LIN54: variants seen among roughly 807,000 people sequenced by gnomAD.
LIN54 encodes lin-54 DREAM MuvB core complex component.
A neutral mutation model predicts 78.7 loss-of-function variants in LIN54; 9 were observed. That is an observed-to-expected ratio of 0.11 (90% confidence interval 0.07 to 0.20). The LOEUF is 0.20. Among genes scored for constraint, LIN54 ranks in the 10% least tolerant of loss-of-function variants. LIN54 has a pLI of 1.00. For missense variants in LIN54, 573 were observed against 889.9 expected, an observed-to-expected ratio of 0.64 and a Z score of 4.53; for synonymous variants, 269 against 318.4, an observed-to-expected ratio of 0.84 and a Z score of 1.65.
At chr4:83,000,829 T>TTTTTTCTTTTTTTC (rs950923009) in intron 1 of LIN54, among the ~76,000 whole-genome samples, 1 of 144,530 alleles carries the variant, frequency 6.9e-6, no homozygotes, top group Non-Finnish European at 1.5e-5. Context: ...AATAAATTCT[T>TTTTTTCTTTTTTTC]TTTTTTTTTT....
chr4:82,986,399 G>A (rs1028837749), intron 1 of LIN54, among the ~76,000 whole-genome samples: 2 of 152,080 alleles, frequency 1.3e-5, no homozygotes, highest in Non-Finnish European at 2.9e-5. Flanking sequence ...TTATAGGTGT[G>A]AGCCACCATG....
intron 4 of LIN54, among the ~76,000 whole-genome samples, chr4:82,970,046 A>G (rs1560756892): frequency 2.0e-5 from 3 of 152,092 alleles, no homozygotes; most frequent in Admixed American, 1.3e-4. Flanking sequence ...AAGAAGAACT[A>G]AACACCTACA....
chr4:82,940,526 G>A (rs905202666), intron 5 of LIN54, among the ~76,000 whole-genome samples: 2 of 152,094 alleles, frequency 1.3e-5, no homozygotes, highest in East Asian at 1.9e-4. Context: ...CCAAGTACCC[G>A]AAGTTACAGG....
intron 4 of LIN54, among the ~76,000 whole-genome samples, chr4:82,959,766 T>C (rs1724639704): frequency 6.6e-6 from 1 of 152,190 alleles, no homozygotes; most frequent in Non-Finnish European, 1.5e-5. Flanking sequence ...TATATTCCTA[T>C]TTTTCACAAT....
At chr4:82,998,598 G>T (rs963297337) in intron 1 of LIN54, among the ~76,000 whole-genome samples, 1 of 151,278 alleles carries the variant, frequency 6.6e-6, no homozygotes, top group African/African-American at 2.4e-5. Context: ...AGAAAAGAGA[G>T]AAAGAGAAGA....
At chr4:82,993,566 G>T (rs1727929104) in intron 1 of LIN54, among the ~76,000 whole-genome samples, 1 of 151,882 alleles carries the variant, frequency 6.6e-6, no homozygotes, top group Non-Finnish European at 1.5e-5. Flanking sequence ...AATACTAAAT[G>T]ATGCCCATGG....
intron 1 of LIN54, among the ~76,000 whole-genome samples, chr4:82,989,320 C>T (rs1471808678): frequency 6.6e-6 from 1 of 152,166 alleles, no homozygotes; most frequent in Non-Finnish European, 1.5e-5. Flanking sequence ...AGTACTAGCA[C>T]TTCTTTATGT....
intron 1 of LIN54, among the ~76,000 whole-genome samples, chr4:83,001,562 G>C (rs1728771964): frequency 6.6e-6 from 1 of 151,026 alleles, no homozygotes; most frequent in Non-Finnish European, 1.5e-5. Context: ...AAAAGAAAAA[G>C]AAGCCGGGCG....
chr4:82,954,119 C>CTTA (rs1262420490), intron 4 of LIN54, among the ~76,000 whole-genome samples: 1 of 151,948 alleles, frequency 6.6e-6, no homozygotes, highest in Non-Finnish European at 1.5e-5. Flanking sequence ...GTAAGGAAGA[C>CTTA]TTATCCAAGT....
chr4:82,927,840 ATTC>A lies in LIN54; in HGVS notation c.*259_*261del. 2 of 374,356 alleles carry A rather than the reference ATTC, an allele frequency of 5.3e-6. No individual in the cohort carries two copies. Among genetic ancestry groups the A allele is most frequent in the South Asian group, 1.1e-4 (2 of 18,358 alleles). The allele number at this position is 374,356 out of a possible 1,614,324, so 23.2% of individuals were successfully genotyped here. ...AAAGGTATCAGAAAGAGAACATCTA[ATTC>A]TTAAGAAACCCAAGCAAATTAAAAA... On this transcript the variant is annotated 3_prime_UTR_variant, in exon 13 of 13. Coordinates refer to ENST00000340417, the MANE Select transcript of LIN54 (RefSeq NM_194282.4).
At chr4:83,006,335 G>A (rs912042742) in intron 1 of LIN54, among the ~76,000 whole-genome samples, 2 of 151,964 alleles carry the variant, frequency 1.3e-5, no homozygotes. Context: ...TGTAGTCCCA[G>A]CTACTCGGGA....
At chr4:82,995,399 T>G (rs1728108484) in intron 1 of LIN54, among the ~76,000 whole-genome samples, 1 of 151,146 alleles carries the variant, frequency 6.6e-6, no homozygotes, top group Non-Finnish European at 1.5e-5. Flanking sequence ...AGAGTCTATG[T>G]AATAGACAGA....
chr4:82,969,022 G>T (rs1725439641), intron 4 of LIN54, among the ~76,000 whole-genome samples: 1 of 152,066 alleles, frequency 6.6e-6, no homozygotes, highest in African/African-American at 2.4e-5. Flanking sequence ...GAGAATCACT[G>T]TCCTAGAAGC....
At chr4:82,998,642 GAA>G (rs200005742) in intron 1 of LIN54, among the ~76,000 whole-genome samples, 1,808 of 152,030 alleles carry the variant, frequency 0.012, 17 homozygotes, top group Middle Eastern at 0.034. Context: ...GAAAGAAAAA[GAA>G]AGAGAAAGAA....
rs1560796733 is a variant in LIN54 at position 83,001,969 on chromosome 4, AGG to A, written c.-33+8513_-33+8514del. Among the ~76,000 whole-genome samples, 421 of 44,534 alleles carry A rather than the reference AGG, an allele frequency of 9.5e-3. 160 individuals carry two copies. The highest frequency in any genetic ancestry group is 0.026 in the African/African-American group (316 of 12,390). The allele number at this position is 44,534 out of a possible 152,430, so 29.2% of individuals were successfully genotyped here. A position where few individuals can be genotyped will look rare whatever the true frequency, so the allele number is the denominator to read the frequency against. On this transcript the variant is annotated intron_variant, in intron 1 of 12. Coordinates refer to ENST00000340417, the MANE Select transcript of LIN54 (RefSeq NM_194282.4). ...AAGGAAGGAAGGAAGGAAGGAAGGAAGGAAGGAAGGGAGGGATCTTGGAGAAA... is the reference window on the plus strand; with the variant it reads ...AAGGAAGGAAGGAAGGAAGGAAGGAAAAGGAAGGGAGGGATCTTGGAGAAA...
At chr4:82,957,544 G>C (rs1257461968) in intron 4 of LIN54, among the ~76,000 whole-genome samples, 1 of 151,900 alleles carries the variant, frequency 6.6e-6, no homozygotes, top group South Asian at 2.1e-4. Flanking sequence ...CAATATTTCC[G>C]ATTCATATTT....
chr4:82,958,131 C>A (rs529600546), intron 4 of LIN54, among the ~76,000 whole-genome samples: 1 of 152,174 alleles, frequency 6.6e-6, no homozygotes, highest in Non-Finnish European at 1.5e-5. Flanking sequence ...CTGATAATTA[C>A]GAAATGGAAG....
intron 3 of LIN54, among the ~76,000 whole-genome samples, chr4:82,971,414 C>T (rs1725639191): frequency 6.6e-6 from 1 of 152,134 alleles, no homozygotes; most frequent in Admixed American, 6.5e-5. Flanking sequence ...TTTTCCTCTG[C>T]CATCTGAGAT....
At chr4:82,947,245 T>A (rs1723469456) in intron 4 of LIN54, among the ~76,000 whole-genome samples, 1 of 132,270 alleles carries the variant, frequency 7.6e-6, no homozygotes, top group African/African-American at 3.0e-5. Flanking sequence ...ATTTTTTTTT[T>A]TTTTGAAGAC....
Sources: gnomAD v4.1 joint callset for allele counts (sites outside exome capture counted in the v4.1 genomes callset) on GRCh38, gnomAD v4.1.1 for gene constraint, MANE v1.5 for transcripts, NCBI Gene and HGNC (gene_info 2026-07-23, HGNC 2026-07-21) for gene names.